RBFOX1: variants seen among roughly 807,000 people sequenced by gnomAD.
The protein encoded by RBFOX1 is RNA binding fox-1 homolog 1.
A neutral mutation model predicts 57.7 loss-of-function variants in RBFOX1; 8 were observed. The observed-to-expected ratio is 0.14, with a 90% CI of 0.08 to 0.25. The LOEUF (loss-of-function observed/expected upper bound fraction) is 0.25, where lower values mean the gene tolerates loss of function less well. RBFOX1 is among the 10% of genes least tolerant of loss of function. RBFOX1 has a pLI of 1.00. For synonymous variants in RBFOX1, 326 were observed against 222.4 expected (o/e 1.47, Z -4.15); for missense variants, 611 against 548.5 (o/e 1.11, Z -1.14).
chr16:6,928,351 G>C (rs1173378477), intron 3 of RBFOX1, among the ~76,000 whole-genome samples: 6 of 152,172 alleles, frequency 3.9e-5, no homozygotes, highest in Admixed American at 2.0e-4. Context: ...AAAGAAAAGA[G>C]GAAAAGAGAA....
chr16:5,366,265 C>G (rs141856771), intron 1 of RBFOX1: 2 of 392,936 alleles, frequency 5.1e-6, no homozygotes, highest in African/African-American at 2.1e-5. Flanking sequence ...GTAAAACTTG[C>G]TGCCGATGAA....
intron 3 of RBFOX1, among the ~76,000 whole-genome samples, chr16:7,051,056 C>G (rs926524168): frequency 2.0e-5 from 3 of 152,146 alleles, no homozygotes; most frequent in African/African-American, 7.2e-5. Context: ...CTTCATATCC[C>G]TTAGTAAAAG....
intron 4 of RBFOX1, among the ~76,000 whole-genome samples, chr16:7,269,110 G>T (rs2095254462): frequency 7.0e-6 from 1 of 142,588 alleles, no homozygotes; most frequent in Admixed American, 7.0e-5. Flanking sequence ...ACAGCCCATA[G>T]TCCTTCGTCT....
intron 1 of RBFOX1, among the ~76,000 whole-genome samples, chr16:5,252,744 A>G (rs2062484721): frequency 6.6e-6 from 1 of 152,218 alleles, no homozygotes; most frequent in Non-Finnish European, 1.5e-5. Flanking sequence ...CAGCCAGACA[A>G]GATGGCAAAC....
intron 3 of RBFOX1, among the ~76,000 whole-genome samples, chr16:5,606,911 G>C (rs2047602571): frequency 6.6e-6 from 1 of 152,178 alleles, no homozygotes. Context: ...GGAGAAGCAG[G>C]CATGCCCCAG....
At chr16:7,359,112 G>A (rs564419109) in intron 4 of RBFOX1, among the ~76,000 whole-genome samples, 25 of 152,300 alleles carry the variant, frequency 1.6e-4, no homozygotes, top group African/African-American at 5.8e-4. Context: ...CTGTGGGTGA[G>A]TTAAACATGT....
chr16:6,653,989 A>ATGGATGGGTGGATGGATGGATGGATGGG (rs1555655708), intron 2 of RBFOX1, among the ~76,000 whole-genome samples: 1 of 147,974 alleles, frequency 6.8e-6, no homozygotes, highest in African/African-American at 2.5e-5. Context: ...GGATGGATGG[A>ATGGATGGGTGGATGGATGGATGGATGGG]TGGATGGATG....
chr16:7,278,322 C>A (rs1400491718), intron 4 of RBFOX1, among the ~76,000 whole-genome samples: 1 of 152,148 alleles, frequency 6.6e-6, no homozygotes, highest in Non-Finnish European at 1.5e-5. Flanking sequence ...ATCAAACCTC[C>A]TTCAGTGTCT....
chr16:5,620,821 G>C (rs1596482387), intron 3 of RBFOX1, among the ~76,000 whole-genome samples: 8 of 152,084 alleles, frequency 5.3e-5, no homozygotes, highest in Admixed American at 5.2e-4. Context: ...CGGGACCACA[G>C]GCATGTGCCA....
chr16:5,459,082 C>G (rs764609366), intron 1 of RBFOX1, among the ~76,000 whole-genome samples: 1 of 152,212 alleles, frequency 6.6e-6, no homozygotes, highest in African/African-American at 2.4e-5. Context: ...TTCCTTGTTG[C>G]TCACCATGCC....
intron 3 of RBFOX1, among the ~76,000 whole-genome samples, chr16:5,747,494 G>A (rs1490398356): frequency 6.6e-6 from 1 of 152,140 alleles, no homozygotes; most frequent in Non-Finnish European, 1.5e-5. Context: ...GTAGAATTCG[G>A]CTGTGAATCT....
chr16:7,171,639 T>G (rs775028957), intron 4 of RBFOX1, among the ~76,000 whole-genome samples: 7 of 152,206 alleles, frequency 4.6e-5, no homozygotes, highest in Non-Finnish European at 8.8e-5. Context: ...AGGGGCCATT[T>G]CCATTTACTT....
At chr16:5,357,846 T>G (rs919427895) in intron 1 of RBFOX1, among the ~76,000 whole-genome samples, 1 of 152,224 alleles carries the variant, frequency 6.6e-6, no homozygotes. Context: ...TTTTATGTGT[T>G]CCTTAAATGC....
intron 5 of RBFOX1, among the ~76,000 whole-genome samples, chr16:7,521,466 G>A (rs2077497693): frequency 6.6e-6 from 1 of 152,182 alleles, no homozygotes; most frequent in African/African-American, 2.4e-5. Flanking sequence ...ATTTAATCTA[G>A]TTGGGGAGCT....
chr16:5,434,514 G>T (rs2067856404), intron 1 of RBFOX1, among the ~76,000 whole-genome samples: 2 of 151,264 alleles, frequency 1.3e-5, no homozygotes, highest in African/African-American at 4.9e-5. Context: ...TAGAGATGAG[G>T]TTTCTCCATG....
At chr16:6,136,497 C>G (rs1399100415) in intron 1 of RBFOX1, among the ~76,000 whole-genome samples, 3 of 152,182 alleles carry the variant, frequency 2.0e-5, no homozygotes, top group Admixed American at 6.5e-5. Context: ...TTTATGCTGT[C>G]TCTTTTCTGA....
intron 4 of RBFOX1, among the ~76,000 whole-genome samples, chr16:5,870,083 CT>C (rs1464870283): frequency 6.6e-6 from 1 of 150,748 alleles, no homozygotes; most frequent in African/African-American, 2.4e-5. Context: ...AGAATGTACC[CT>C]CCATGATTTC....
intron 1 of RBFOX1, among the ~76,000 whole-genome samples, chr16:5,410,496 A>G (rs956678381): frequency 6.6e-6 from 1 of 152,242 alleles, no homozygotes; most frequent in Non-Finnish European, 1.5e-5. Flanking sequence ...GTCTTGCTTC[A>G]TTCTAATGAA....
intron 4 of RBFOX1, among the ~76,000 whole-genome samples, chr16:7,211,465 A>G (rs7194657): frequency 0.19 from 29,498 of 151,300 alleles, 3,194 homozygotes; most frequent in East Asian, 0.36. Flanking sequence ...GGTAGCTGTC[A>G]TAGGGATAGA....
Sources: allele counts gnomAD v4.1 joint callset (sites outside exome capture counted in the v4.1 genomes callset), GRCh38; gene constraint gnomAD v4.1.1; transcripts MANE v1.5; gene names NCBI Gene and HGNC (gene_info 2026-07-23, HGNC 2026-07-21).